Variants in CFAP61 observed in about 807,000 individuals in gnomAD.
The protein encoded by CFAP61 is cilia and flagella associated protein 61, also known as cilia- and flagella-associated protein 61.
A neutral mutation model predicts 135.6 loss-of-function variants in CFAP61; 107 were observed. That is an observed-to-expected ratio of 0.79 (90% CI 0.67 to 0.93). The LOEUF is 0.93. Ranked by LOEUF, CFAP61 falls within the 40% of genes least tolerant of loss-of-function variation. The pLI is 0.00. For missense variants in CFAP61, 1,507 were observed against 1,556.2 expected (o/e 0.97, Z 0.53); for synonymous variants, 575 against 578.5 (o/e 0.99, Z 0.09).
chr20:20,148,266 T>C (rs910200335), intron 9 of CFAP61, among the ~76,000 whole-genome samples: 39 of 152,226 alleles, frequency 2.6e-4, no homozygotes, highest in African/African-American at 8.9e-4. Context: ...AATTTTCAGA[T>C]TGTTTTTTCT....
chr20:20,280,462 A>G (rs974777520), intron 22 of CFAP61, among the ~76,000 whole-genome samples: 2 of 152,274 alleles, frequency 1.3e-5, no homozygotes, highest in Admixed American at 6.6e-5. Context: ...AGGAAACGAA[A>G]GCAGATGATG....
chr20:20,117,392 G>A (rs2049232861), intron 8 of CFAP61, among the ~76,000 whole-genome samples: 1 of 133,932 alleles, frequency 7.5e-6, no homozygotes, highest in Non-Finnish European at 1.6e-5. Flanking sequence ...AAATAAATAG[G>A]CTATAAATGC....
chr20:20,282,704 C>T (rs1228261458), intron 22 of CFAP61, among the ~76,000 whole-genome samples: 6 of 152,044 alleles, frequency 3.9e-5, no homozygotes, highest in Admixed American at 3.9e-4. Context: ...ATTGGGAGAC[C>T]TAAGTGGGCA....
In CFAP61 at chr20:20,090,917, T is replaced by C; in HGVS notation, c.640T>C (p.Tyr214His). 6.2e-7 allele frequency: 1 copy of C among 1,614,116 alleles called. No homozygotes were observed. Among genetic ancestry groups the C allele is most frequent in the Non-Finnish European group, 8.5e-7 (1 of 1,180,004 alleles). ...DTILKETYGE[Y>H]FLAELIEAQD... The stretch of plus-strand genomic sequence containing the variant: ...AATTCTGAAGGAAACTTACGGTGAA[T>C]ACTTCCTGGCCGAACTAATAGAGGC... The change falls in exon 7 of 27, where the codon TAC becomes CAC. Residue 214 changes from tyrosine (Y) to histidine (H), a missense_variant. Physicochemically the swap from Tyr to His is moderately conservative, Grantham distance 83. Coordinates refer to ENST00000245957, the MANE Select transcript of CFAP61 (RefSeq NM_015585.4).
intron 13 of CFAP61, among the ~76,000 whole-genome samples, chr20:20,187,450 G>A (rs1156821076): frequency 6.6e-6 from 1 of 152,180 alleles, no homozygotes; most frequent in Non-Finnish European, 1.5e-5. Context: ...TTAAAAGCAT[G>A]AAGTCAAAGA....
intron 11 of CFAP61, among the ~76,000 whole-genome samples, chr20:20,166,149 G>C (rs1044371663): frequency 3.3e-5 from 5 of 152,202 alleles, no homozygotes; most frequent in Non-Finnish European, 7.3e-5. Flanking sequence ...GACCAATTTT[G>C]TGTTGGCTTT....
chr20:20,322,996 A>G (rs532366829), intron 25 of CFAP61: 56 of 985,440 alleles, frequency 5.7e-5, no homozygotes, highest in Middle Eastern at 5.2e-4. Context: ...TTTGTTTTCA[A>G]TAATGTCAGA....
At chr20:20,255,183 T>C (rs2051428494) in intron 20 of CFAP61, among the ~76,000 whole-genome samples, 1 of 152,234 alleles carries the variant, frequency 6.6e-6, no homozygotes, top group Non-Finnish European at 1.5e-5. Context: ...CTCCAATCAA[T>C]GTTGATCATT....
chr20:20,277,546 G>T lies in CFAP61; in HGVS notation c.2796+88G>T, dbSNP rs2053866330. On this transcript the variant is annotated intron_variant, in intron 22 of 26. Transcript: ENST00000245957. ...GGGGGTCTGGAAGATTGCGGGCAGTGAATTTGTAGTACCAGATGTTGGATT... is the reference window on the plus strand; with the variant it reads ...GGGGGTCTGGAAGATTGCGGGCAGTTAATTTGTAGTACCAGATGTTGGATT... 6 of 1,364,548 alleles carry T rather than the reference G, an allele frequency of 4.4e-6. No homozygotes were observed. The South Asian group carries it at 8.4e-5, about 19-fold the overall frequency. 84.5% of individuals were successfully genotyped at this position (1,364,548 alleles called of 1,614,324 possible).
chr20:20,291,412 C>T (rs1232133609), intron 24 of CFAP61, among the ~76,000 whole-genome samples: 1 of 152,232 alleles, frequency 6.6e-6, no homozygotes, highest in East Asian at 1.9e-4. Context: ...TGCAGTCATA[C>T]AGCCTATCGT....
At chr20:20,224,687 C>T (rs903712847) in intron 17 of CFAP61, among the ~76,000 whole-genome samples, 5 of 152,084 alleles carry the variant, frequency 3.3e-5, no homozygotes, top group African/African-American at 1.2e-4. Flanking sequence ...AAAACTCCAT[C>T]TCGAAAAACA....
intron 19 of CFAP61, among the ~76,000 whole-genome samples, chr20:20,246,770 T>C (rs572760603): frequency 1.4e-4 from 22 of 152,362 alleles, no homozygotes; most frequent in African/African-American, 5.3e-4. Flanking sequence ...ACAAGAAATA[T>C]TAGTTTCTCT....
intron 17 of CFAP61, among the ~76,000 whole-genome samples, chr20:20,202,130 A>C (rs999402366): frequency 1.3e-5 from 2 of 152,148 alleles, no homozygotes; most frequent in East Asian, 3.8e-4. Context: ...GCTTACATTG[A>C]GTAACCTTTT....
rs776101093 is a variant in CFAP61, at chr20:20,169,394, T to C, written c.1319T>C (p.Met440Thr). ...EFFLIQNFVK[M>T]VPFNTCTLEQ... ...TTCCTCATCCAGAACTTCGTGAAAATGGTCCCTTTCAACACCTGCACCCTC... is the reference window on the plus strand; with the variant it reads ...TTCCTCATCCAGAACTTCGTGAAAACGGTCCCTTTCAACACCTGCACCCTC... The change falls in exon 13 of 27, where the codon ATG becomes ACG. Residue 440 changes from methionine (M) to threonine (T), a missense_variant. Transcript: ENST00000245957. The C allele has an allele frequency of 6.2e-7, 1 of 1,614,038 alleles. No homozygotes were observed. Among genetic ancestry groups the C allele is most frequent in the Non-Finnish European group, 8.5e-7 (1 of 1,179,962 alleles).
chr20:20,249,398 G>A (rs1233727398), intron 19 of CFAP61, among the ~76,000 whole-genome samples: 2 of 152,070 alleles, frequency 1.3e-5, no homozygotes, highest in Non-Finnish European at 1.5e-5. Context: ...AATTAGCCAG[G>A]TATGGTAGCT....
intron 17 of CFAP61, chr20:20,201,157 T>G (rs150861675): frequency 1.1e-5 from 2 of 182,838 alleles, no homozygotes; most frequent in Admixed American, 6.5e-5. Flanking sequence ...ACAAAATTCT[T>G]TTATTATTAG....
intron 10 of CFAP61, among the ~76,000 whole-genome samples, chr20:20,160,933 T>C (rs971875): frequency 0.9 from 137,240 of 152,200 alleles, 62,698 homozygotes; most frequent in Middle Eastern, 0.99. Context: ...TCTCTAGGCT[T>C]TCGGAGATCC....
At chr20:20,135,886 T>C (rs1332504801) in intron 8 of CFAP61, among the ~76,000 whole-genome samples, 1 of 152,218 alleles carries the variant, frequency 6.6e-6, no homozygotes, top group Non-Finnish European at 1.5e-5. Context: ...TTCTCTCAGA[T>C]TGAAGAACTC....
At chr20:20,327,845 A>T (rs1194597519) in intron 25 of CFAP61, among the ~76,000 whole-genome samples, 1 of 148,676 alleles carries the variant, frequency 6.7e-6, no homozygotes, top group South Asian at 2.1e-4. Context: ...CAAAGTCCCT[A>T]TCACAGGATT....
Sources: gnomAD v4.1 joint callset for allele counts (sites outside exome capture counted in the v4.1 genomes callset) on GRCh38, gnomAD v4.1.1 for gene constraint, MANE v1.5 for transcripts, NCBI Gene and HGNC (gene_info 2026-07-23, HGNC 2026-07-21) for gene names.